DLG2: variants seen among roughly 807,000 people sequenced by gnomAD.
DLG2 encodes the protein disks large homolog 2.
DLG2 carries 45 observed loss-of-function variants against 132.5 expected under a neutral mutation model. The observed-to-expected ratio is 0.34, with a 90% CI of 0.27 to 0.44. The LOEUF is 0.44. Ranked by LOEUF, DLG2 falls within the 20% of genes least tolerant of loss-of-function variation. DLG2 has a pLI of 1.00. For missense variants in DLG2, 1,045 were observed against 1,196.9 expected (o/e 0.87, Z 1.87); for synonymous variants, 424 against 419.6 (o/e 1.01, Z -0.13).
chr11:83,882,131 G>A (rs2066444137), intron 15 of DLG2, among the ~76,000 whole-genome samples: 1 of 152,090 alleles, frequency 6.6e-6, no homozygotes. Context: ...TGGGTCCCAG[G>A]TTTCTGGCCT....
chr11:85,324,394 C>T (rs1423715588), intron 3 of DLG2, among the ~76,000 whole-genome samples: 1 of 152,116 alleles, frequency 6.6e-6, no homozygotes, highest in African/African-American at 2.4e-5. Context: ...GCTCTTACTA[C>T]AGAGTTAGAA....
At chr11:83,914,542 C>A (rs2076600794) in intron 15 of DLG2, among the ~76,000 whole-genome samples, 1 of 152,168 alleles carries the variant, frequency 6.6e-6, no homozygotes. Flanking sequence ...ACTTAGCTTA[C>A]CATGGGCCAA....
intron 15 of DLG2, among the ~76,000 whole-genome samples, chr11:83,906,062 T>TCA (rs2154104349): frequency 1.0e-5 from 1 of 96,682 alleles, no homozygotes; most frequent in South Asian, 4.5e-4. Context: ...TGTCTCTCTC[T>TCA]CTCTCTCTCT....
At chr11:84,982,010 G>A (rs558885963) in intron 6 of DLG2, among the ~76,000 whole-genome samples, 72 of 151,910 alleles carry the variant, frequency 4.7e-4, no homozygotes, top group Non-Finnish European at 6.9e-4. Context: ...CTTTTCTTTT[G>A]GCAATACTTT....
At chr11:84,714,553 C>CTCTCTCTT (rs1391760351) in intron 6 of DLG2, among the ~76,000 whole-genome samples, 3 of 109,194 alleles carry the variant, frequency 2.7e-5, no homozygotes, top group African/African-American at 1.0e-4. Flanking sequence ...TTCTCTTTCT[C>CTCTCTCTT]TCTCTTTCTC....
intron 6 of DLG2, among the ~76,000 whole-genome samples, chr11:84,551,546 C>A (rs1287495105): frequency 6.6e-6 from 1 of 152,156 alleles, no homozygotes; most frequent in Non-Finnish European, 1.5e-5. Flanking sequence ...CTTAAACAAA[C>A]TTATGGAGTA....
intron 6 of DLG2, among the ~76,000 whole-genome samples, chr11:85,005,620 A>T: frequency 6.6e-6 from 1 of 152,148 alleles, no homozygotes; most frequent in Non-Finnish European, 1.5e-5. Flanking sequence ...GCTTAAAGAG[A>T]TTTTAGACTG....
chr11:85,337,601 T>C (rs1027986087), intron 3 of DLG2, among the ~76,000 whole-genome samples: 7 of 152,232 alleles, frequency 4.6e-5, no homozygotes, highest in Non-Finnish European at 8.8e-5. Flanking sequence ...AACTTTATTA[T>C]TACAGGTGAT....
intron 6 of DLG2, among the ~76,000 whole-genome samples, chr11:84,731,776 G>A (rs117941605): frequency 1.1e-4 from 17 of 152,084 alleles, no homozygotes; most frequent in East Asian, 9.7e-4. Flanking sequence ...ATTTATTGGC[G>A]TAGAACTGAC....
At chr11:84,819,731 G>T (rs942149528) in intron 6 of DLG2, among the ~76,000 whole-genome samples, 9 of 151,852 alleles carry the variant, frequency 5.9e-5, no homozygotes, top group African/African-American at 1.9e-4. Flanking sequence ...TAGAAACACT[G>T]ACAGCACATG....
rs116322854 is a variant in DLG2, at chr11:85,532,119, G to A, written c.40+66538C>T. Among the ~76,000 whole-genome samples, 1,391 of 152,150 alleles carry A rather than the reference G, an allele frequency of 9.1e-3. 15 individuals are homozygous for A. Among genetic ancestry groups the A allele is most frequent in the African/African-American group, 0.032 (1,311 of 41,498 alleles). ...AAATATTTCAATATCATAATCCCTC[G>A]CTTTTCTAGGTTCTCACTTACATAG... On this transcript the variant is annotated intron_variant, in intron 3 of 27. Transcript: ENST00000376104.
At chr11:83,791,274 G>A in intron 17 of DLG2, 1 of 674,114 alleles carries the variant, frequency 1.5e-6, no homozygotes, top group East Asian at 2.6e-5. Flanking sequence ...TGTCCTCATC[G>A]GCAGAGCTCC....
intron 19 of DLG2, among the ~76,000 whole-genome samples, chr11:83,573,809 A>T (rs2096835298): frequency 6.6e-6 from 1 of 152,190 alleles, no homozygotes; most frequent in African/African-American, 2.4e-5. Context: ...CCCCCAATAC[A>T]GGATAACTAC....
intron 16 of DLG2, among the ~76,000 whole-genome samples, chr11:83,846,728 A>G (rs1231648859): frequency 6.6e-6 from 1 of 152,128 alleles, no homozygotes; most frequent in African/African-American, 2.4e-5. Flanking sequence ...TCTTCTCGCA[A>G]CATAAATCAA....
chr11:84,922,311 T>C (rs2092791727), intron 6 of DLG2, among the ~76,000 whole-genome samples: 1 of 152,186 alleles, frequency 6.6e-6, no homozygotes, highest in Non-Finnish European at 1.5e-5. Flanking sequence ...AAGGATGTAA[T>C]TCACTTAAAT....
At position 85,020,992 on chromosome 11, in the gene DLG2, C is replaced by A. The variant is rs1372312061; in HGVS notation, c.357+90669G>T. On this transcript the variant is annotated intron_variant, in intron 6 of 27. Transcript: ENST00000376104. ...ACGGAGCTGCTGCTCTGCTCCTCTT[C>A]TGACTTATTATTCATATCTACTGCT... 5 of 778,982 alleles carry A rather than the reference C, an allele frequency of 6.4e-6. No individual in the cohort carries two copies. In the South Asian group the frequency reaches 6.7e-5, roughly 10 times the overall value. 48.3% of individuals were successfully genotyped at this position (778,982 alleles called of 1,614,324 possible).
intron 6 of DLG2, among the ~76,000 whole-genome samples, chr11:84,724,106 G>A (rs2062131554): frequency 6.6e-6 from 1 of 151,930 alleles, no homozygotes; most frequent in Admixed American, 6.6e-5. Context: ...AGAATAGATT[G>A]GCTACTAGGA....
Position 84,690,657 on chromosome 11 carries a change from T to C in DLG2, c.358-155926A>G, listed in dbSNP as rs572364448. The stretch of plus-strand genomic sequence containing the variant: ...ACGTGTCAGCCACAGTGGTAACAGA[T>C]ACTTAATATTCATCATCTCATTTAA... On this transcript the variant is annotated intron_variant, in intron 6 of 27. Coordinates refer to ENST00000376104, the MANE Select transcript of DLG2 (RefSeq NM_001142699.3). 2.0e-5 allele frequency among the ~76,000 whole-genome samples: 3 copies of C among 152,038 alleles called. No homozygotes were observed. The South Asian group carries it at 6.2e-4, about 32-fold the overall frequency.
intron 6 of DLG2, among the ~76,000 whole-genome samples, chr11:84,914,739 G>A (rs1448494159): frequency 6.6e-6 from 1 of 152,176 alleles, no homozygotes; most frequent in East Asian, 1.9e-4. Context: ...AGCATTTATT[G>A]TGGTTTCACC....
Sources: gnomAD v4.1 joint callset for allele counts (sites outside exome capture counted in the v4.1 genomes callset) on GRCh38, gnomAD v4.1.1 for gene constraint, MANE v1.5 for transcripts, NCBI Gene and HGNC (gene_info 2026-07-23, HGNC 2026-07-21) for gene names.